Variants in SMC3 observed in about 807,000 individuals in gnomAD.
SMC3 encodes structural maintenance of chromosomes protein 3.
SMC3 carries 20 observed loss-of-function variants against 171.8 expected under a neutral mutation model. The observed-to-expected ratio is 0.12, with a 90% CI of 0.08 to 0.17. The LOEUF (loss-of-function observed/expected upper bound fraction) is 0.17. SMC3 is among the 10% of genes least tolerant of loss of function. The pLI, the probability that SMC3 is intolerant of heterozygous loss-of-function variation, is 1.00. For synonymous variants in SMC3, 464 were observed against 451.1 expected (o/e 1.03, Z -0.36); for missense variants, 543 against 1,420.4 (o/e 0.38, Z 9.93).
chr10:110,588,079 A>G (rs12220839), intron 13 of SMC3, among the ~76,000 whole-genome samples: 2 of 152,176 alleles, frequency 1.3e-5, no homozygotes, highest in Non-Finnish European at 2.9e-5. Context: ...CAACCTCCCC[A>G]TCCTGGGTTC....
chr10:110,602,625 G>A lies in SMC3; in HGVS notation c.3257G>A (p.Ser1086Asn). 1 of 1,614,120 alleles carries A rather than the reference G, an allele frequency of 6.2e-7. No individual in the cohort carries two copies. The highest frequency in any genetic ancestry group is 8.5e-7 in the Non-Finnish European group (1 of 1,179,994). The change falls in exon 26 of 29, where the codon AGT becomes AAT. Residue 1086 changes from serine to asparagine, a missense_variant. Physicochemically the swap from Ser to Asn is conservative, Grantham distance 46 (BLOSUM62 1). Transcript: ENST00000361804. Reference protein sequence around the residue: ...ESERGSGSQSSVPSVDQFTGV... With the variant: ...ESERGSGSQSNVPSVDQFTGV... ...GAGAGGGGTTCTGGCTCACAAAGCAGTGTCCCATCAGTTGACCAGTTTACT... is the reference window on the plus strand; with the variant it reads ...GAGAGGGGTTCTGGCTCACAAAGCAATGTCCCATCAGTTGACCAGTTTACT...
intron 6 of SMC3, 21 bp downstream of exon 6, chr10:110,577,935 TA>T: frequency 6.6e-7 from 1 of 1,513,922 alleles, no homozygotes; most frequent in Non-Finnish European, 9.2e-7. Flanking sequence ...TTCTTTTTTT[TA>T]AAAAAACTGA....
intron 13 of SMC3, among the ~76,000 whole-genome samples, chr10:110,584,619 G>GT (rs1231562831): frequency 6.6e-6 from 1 of 152,072 alleles, no homozygotes; most frequent in African/African-American, 2.4e-5. Context: ...ATATTAAAAT[G>GT]TATGTATGTA....
At position 110,578,710 on chromosome 10, in the gene SMC3, A is replaced by C; in HGVS notation, c.429+4A>C. 6.3e-7 allele frequency: 1 copy of C among 1,587,132 alleles called. No homozygotes were observed. ...TTATATTGTTAAACAAGGAAAGGTAAAACAATTGTATGTCCTTTTTAAGTA... is the reference window on the plus strand; with the variant it reads ...TTATATTGTTAAACAAGGAAAGGTACAACAATTGTATGTCCTTTTTAAGTA... On this transcript the variant is annotated splice_donor_region_variant and intron_variant, in intron 7 of 28. Transcript: ENST00000361804.
chr10:110,601,157 T>G, intron 23 of SMC3, 27 bp downstream of exon 23: 1 of 1,489,778 alleles, frequency 6.7e-7, no homozygotes, highest in Non-Finnish European at 9.4e-7. Flanking sequence ...TAAAATTTTG[T>G]TTATATGCAT....
intron 18 of SMC3, among the ~76,000 whole-genome samples, chr10:110,596,087 T>C (rs1861296116): frequency 6.6e-6 from 1 of 151,686 alleles, no homozygotes; most frequent in East Asian, 1.9e-4. Flanking sequence ...AAAGGTGTGG[T>C]GGTGCACACC....
At chr10:110,578,137 A>G (rs1324200713) in intron 6 of SMC3, among the ~76,000 whole-genome samples, 2 of 151,860 alleles carry the variant, frequency 1.3e-5, no homozygotes, top group African/African-American at 2.4e-5. Context: ...GCAGTGGCGC[A>G]GTCTCGGCTC....
At position 110,590,437 on chromosome 10, in the gene SMC3, TAAAC is replaced by T; in HGVS notation, c.1539_1542del (p.Asn513LysfsTer3). ...GCCATTTTAAATGGAATAGACAGCA[TAAAC>T]AAAGTGCTAGACCACTTCCGTCGAA... On this transcript the variant is annotated frameshift_variant, in exon 16 of 29. Coordinates refer to ENST00000361804, the MANE Select transcript of SMC3 (RefSeq NM_005445.4). LOFTEE classifies it high-confidence loss of function. 1 of 1,614,072 alleles carries T rather than the reference TAAAC, an allele frequency of 6.2e-7. No individual in the cohort carries two copies. The highest frequency in any genetic ancestry group is 8.5e-7 in the Non-Finnish European group (1 of 1,179,950).
intron 28 of SMC3, among the ~76,000 whole-genome samples, chr10:110,603,817 C>T (rs747741510): frequency 5.9e-5 from 9 of 151,998 alleles, no homozygotes; most frequent in Non-Finnish European, 1.2e-4. Flanking sequence ...GGTGATAGGC[C>T]GGGCGCAATG....
chr10:110,591,498 G>A (rs1861203901), intron 17 of SMC3, among the ~76,000 whole-genome samples: 1 of 152,228 alleles, frequency 6.6e-6, no homozygotes, highest in Admixed American at 6.5e-5. Flanking sequence ...ATTAAGGTTA[G>A]GGAGTTGGAG....
intron 2 of SMC3, among the ~76,000 whole-genome samples, chr10:110,572,628 A>AT (rs1860888753): frequency 6.6e-6 from 1 of 151,936 alleles, no homozygotes; most frequent in Non-Finnish European, 1.5e-5. Context: ...TGTAGGTATT[A>AT]TTTTTTCCCT....
intron 28 of SMC3, among the ~76,000 whole-genome samples, chr10:110,603,896 C>T (rs1037870212): frequency 1.3e-5 from 2 of 151,898 alleles, no homozygotes; most frequent in Non-Finnish European, 2.9e-5. Context: ...GAGTTTGAGA[C>T]CAACGTGGCC....
chr10:110,594,783 ACAT>A (rs1280529719), intron 18 of SMC3, among the ~76,000 whole-genome samples: 5 of 150,198 alleles, frequency 3.3e-5, no homozygotes, highest in African/African-American at 1.3e-4. Context: ...AATAAGTAAA[ACAT>A]CATGTCATGT....
In SMC3 at chr10:110,599,629, C is replaced by A. The variant is rs754137108; in HGVS notation, c.2269-25C>A. 1.1e-5 allele frequency: 17 copies of A among 1,606,614 alleles called. No homozygotes were observed. In the South Asian group the frequency reaches 1.9e-4, roughly 18 times the overall value. On this transcript the variant is annotated intron_variant, in intron 20 of 28. Coordinates refer to ENST00000361804, the MANE Select transcript of SMC3 (RefSeq NM_005445.4). ...AAGTAATACAGTGGCTAATACCTTACTAATAAATGGATAATGTCATATAGC... is the reference window on the plus strand; with the variant it reads ...AAGTAATACAGTGGCTAATACCTTAATAATAAATGGATAATGTCATATAGC...
chr10:110,575,245 GAC>G (rs1590550424), intron 3 of SMC3, 89 bp from the exon 4 acceptor site: 1 of 895,614 alleles, frequency 1.1e-6, no homozygotes, highest in African/African-American at 1.6e-5. Context: ...TCTATTACCA[GAC>G]ACACTATGTT....
chr10:110,590,894 C>A, intron 16 of SMC3, 97 bp from the exon 17 acceptor site: 1 of 1,095,094 alleles, frequency 9.1e-7, no homozygotes. Context: ...TTAGTCCCAG[C>A]TATGCAGGAG....
intron 28 of SMC3, 31 bp from the exon 29 acceptor site, chr10:110,604,200 C>A (rs529796239): frequency 7.0e-7 from 1 of 1,422,640 alleles, no homozygotes; most frequent in Non-Finnish European, 9.9e-7. Context: ...ATGTAATTAA[C>A]AGATTTTTGT....
At position 110,590,378 on chromosome 10, in the gene SMC3, T is replaced by C. The variant is rs1162562368; in HGVS notation, c.1510-34T>C. On this transcript the variant is annotated intron_variant, in intron 15 of 28. Coordinates refer to ENST00000361804, the MANE Select transcript of SMC3 (RefSeq NM_005445.4). ...TTACCAGGAGTGCCATTGATGATAT[T>C]ATTTTAATATTTTTCATTTCTGACA... 14 of 1,578,850 alleles carry C rather than the reference T, an allele frequency of 8.9e-6. No individual in the cohort carries two copies. In the Admixed American group the frequency reaches 1.5e-4, roughly 17 times the overall value.
chr10:110,603,390 G>T (rs951748099), intron 28 of SMC3, 100 bp downstream of exon 28: 1 of 789,570 alleles, frequency 1.3e-6, no homozygotes, highest in Non-Finnish European at 2.1e-6. Context: ...AACTTAGAAA[G>T]TCTTTGCTTA....
Sources: allele counts gnomAD v4.1 joint callset (sites outside exome capture counted in the v4.1 genomes callset), GRCh38; gene constraint gnomAD v4.1.1; transcripts MANE v1.5; gene names NCBI Gene and HGNC (gene_info 2026-07-23, HGNC 2026-07-21).